The following NLGN1 variants were observed in gnomAD, a reference collection of about 807,000 sequenced individuals.
NLGN1 encodes the protein neuroligin 1.
In NLGN1, 12 loss-of-function variants were observed where a neutral mutation model predicts 65.5. That is an observed-to-expected ratio of 0.18 (90% confidence interval 0.12 to 0.30). The LOEUF (loss-of-function observed/expected upper bound fraction) is 0.30. Among genes scored for constraint, NLGN1 ranks in the 10% least tolerant of loss-of-function variants. The pLI, the probability that NLGN1 is intolerant of heterozygous loss-of-function variation, is 1.00. For missense variants in NLGN1, 750 were observed against 1,007.1 expected (o/e 0.74, Z 3.46); for synonymous variants, 350 against 359.5 (o/e 0.97, Z 0.30).
At chr3:173,705,811 A>T (rs948634521) in intron 3 of NLGN1, among the ~76,000 whole-genome samples, 17 of 151,806 alleles carry the variant, frequency 1.1e-4, no homozygotes, top group African/African-American at 4.1e-4. Context: ...TGCTTTGAAC[A>T]TTTTGGTCAC....
At chr3:174,132,957 C>A (rs902243326) in intron 4 of NLGN1, among the ~76,000 whole-genome samples, 20 of 152,308 alleles carry the variant, frequency 1.3e-4, no homozygotes, top group African/African-American at 4.8e-4. Flanking sequence ...CAATCCAACA[C>A]CCTCCCCAAA....
intron 4 of NLGN1, among the ~76,000 whole-genome samples, chr3:174,171,508 A>G (rs1728523524): frequency 6.6e-6 from 1 of 152,190 alleles, no homozygotes; most frequent in African/African-American, 2.4e-5. Flanking sequence ...TGATCTTGTA[A>G]AATAGTTTCT....
At chr3:174,109,615 A>T (rs750632663) in intron 4 of NLGN1, among the ~76,000 whole-genome samples, 59 of 152,054 alleles carry the variant, frequency 3.9e-4, no homozygotes, top group Non-Finnish European at 8.2e-4. Context: ...CCATCGAGAA[A>T]TTAACATATT....
intron 3 of NLGN1, among the ~76,000 whole-genome samples, chr3:173,682,288 C>T (rs1428112905): frequency 6.6e-6 from 1 of 151,718 alleles, no homozygotes; most frequent in African/African-American, 2.4e-5. Context: ...TGTCTTTGCC[C>T]ATCTATAAAG....
At chr3:174,221,273 C>T (rs1246659959) in intron 4 of NLGN1, among the ~76,000 whole-genome samples, 1 of 152,028 alleles carries the variant, frequency 6.6e-6, no homozygotes, top group Non-Finnish European at 1.5e-5. Context: ...AGGAAGCAGG[C>T]GACACTTTAG....
intron 3 of NLGN1, among the ~76,000 whole-genome samples, chr3:173,691,629 C>T (rs1223281095): frequency 6.6e-6 from 1 of 151,980 alleles, no homozygotes; most frequent in African/African-American, 2.4e-5. Flanking sequence ...TTAGGAGAGA[C>T]CTTAGAGGTC....
chr3:174,121,635 T>C (rs1717799803), intron 4 of NLGN1, among the ~76,000 whole-genome samples: 1 of 152,226 alleles, frequency 6.6e-6, no homozygotes, highest in African/African-American at 2.4e-5. Flanking sequence ...TCATTTGGAA[T>C]AGATTCACTT....
intron 3 of NLGN1, among the ~76,000 whole-genome samples, chr3:173,666,413 T>C (rs1338336336): frequency 1.3e-5 from 2 of 152,154 alleles, no homozygotes; most frequent in African/African-American, 4.8e-5. Flanking sequence ...ATTTATACAG[T>C]CAGAGTTAAA....
At chr3:174,249,916 G>T (rs1744475006) in intron 4 of NLGN1, among the ~76,000 whole-genome samples, 1 of 152,166 alleles carries the variant, frequency 6.6e-6, no homozygotes, top group Non-Finnish European at 1.5e-5. Context: ...CTCTGGAAAG[G>T]AGAAGATTAT....
chr3:173,421,267 T>C (rs1407096533), intron 1 of NLGN1, among the ~76,000 whole-genome samples: 1 of 152,008 alleles, frequency 6.6e-6, no homozygotes, highest in Non-Finnish European at 1.5e-5. Flanking sequence ...AAAATTAGAA[T>C]TTGCAAGAGT....
intron 2 of NLGN1, among the ~76,000 whole-genome samples, chr3:173,486,448 G>A (rs1267312849): frequency 5.3e-5 from 8 of 152,128 alleles, no homozygotes; most frequent in East Asian, 1.9e-4. Flanking sequence ...CACAAAAAAC[G>A]CTCAGAACCT....
intron 2 of NLGN1, among the ~76,000 whole-genome samples, chr3:173,452,065 C>T (rs1266877251): frequency 1.3e-5 from 2 of 152,202 alleles, no homozygotes; most frequent in Non-Finnish European, 2.9e-5. Context: ...CACCCTCTGT[C>T]CTGCACCCAC....
intron 4 of NLGN1, among the ~76,000 whole-genome samples, chr3:174,087,199 A>G (rs1743588917): frequency 1.3e-5 from 2 of 152,188 alleles, no homozygotes; most frequent in Non-Finnish European, 2.9e-5. Context: ...TGACAAAATA[A>G]TCTATACAAC....
intron 4 of NLGN1, among the ~76,000 whole-genome samples, chr3:174,032,577 T>G (rs1579893115): frequency 6.6e-6 from 1 of 152,070 alleles, no homozygotes; most frequent in Non-Finnish European, 1.5e-5. Flanking sequence ...ACAGCCTGAG[T>G]GTGGACTACT....
chr3:173,850,128 G>A (rs115900101), intron 4 of NLGN1, among the ~76,000 whole-genome samples: 3,278 of 152,198 alleles, frequency 0.022, 73 homozygotes, highest in African/African-American at 0.064. Context: ...ATCAGAAATA[G>A]TTTGGTGGAC....
intron 4 of NLGN1, among the ~76,000 whole-genome samples, chr3:174,188,786 A>G (rs1487891829): frequency 6.6e-6 from 1 of 152,008 alleles, no homozygotes; most frequent in Non-Finnish European, 1.5e-5. Flanking sequence ...TTTCCAGATG[A>G]GAAAACTGAA....
intron 2 of NLGN1, among the ~76,000 whole-genome samples, chr3:173,482,371 CATT>C (rs1468466149): frequency 2.6e-5 from 4 of 151,764 alleles, no homozygotes; most frequent in African/African-American, 4.8e-5. Flanking sequence ...TTTTTTAACA[CATT>C]AATTTTTTTC....
At chr3:173,997,622 G>A (rs116142635) in intron 4 of NLGN1, among the ~76,000 whole-genome samples, 3 of 152,220 alleles carry the variant, frequency 2.0e-5, no homozygotes, top group African/African-American at 7.2e-5. Flanking sequence ...CATCCCATGA[G>A]GAAGGTAGTA....
chr3:173,425,756 C>T (rs1438251810), intron 1 of NLGN1, among the ~76,000 whole-genome samples: 2 of 152,062 alleles, frequency 1.3e-5, no homozygotes, highest in Non-Finnish European at 2.9e-5. Flanking sequence ...ACTTTGAAGT[C>T]AGGTATTATA....
Sources: allele counts gnomAD v4.1 joint callset (sites outside exome capture counted in the v4.1 genomes callset), GRCh38; gene constraint gnomAD v4.1.1; transcripts MANE v1.5; gene names NCBI Gene and HGNC (gene_info 2026-07-23, HGNC 2026-07-21).